The following DERA variants were observed in gnomAD, a reference collection of about 807,000 sequenced individuals.
DERA encodes 2-deoxy-D-ribose 5-phosphate aldolase.
DERA carries 15 observed loss-of-function variants against 41.1 expected under a neutral mutation model. The ratio of observed to expected loss-of-function variants is 0.37; its 90% CI spans 0.24 to 0.56. The LOEUF (loss-of-function observed/expected upper bound fraction) is 0.56. Among genes scored for constraint, DERA ranks in the 20% least tolerant of loss-of-function variants. The probability of loss-of-function intolerance (pLI) is 0.81; values close to 1 mark genes in which losing one functional copy is unlikely to be tolerated. For missense variants in DERA, 396 were observed against 403.4 expected, an observed-to-expected ratio of 0.98 and a Z score of 0.16; for synonymous variants, 139 against 137.4, an observed-to-expected ratio of 1.01 and a Z score of -0.08.
At chr12:15,969,909 G>A (rs887407731) in intron 5 of DERA, among the ~76,000 whole-genome samples, 22 of 151,910 alleles carry the variant, frequency 1.4e-4, no homozygotes, top group African/African-American at 5.1e-4. Context: ...TGTTTTGGAA[G>A]TTGTATATAA....
intron 6 of DERA, among the ~76,000 whole-genome samples, chr12:15,987,161 T>G (rs747167608): frequency 6.6e-6 from 1 of 151,992 alleles, no homozygotes; most frequent in Non-Finnish European, 1.5e-5. Context: ...TGAACTTTTC[T>G]GAGCTGCTTG....
Position 16,014,931 on chromosome 12 carries a change from A to G in DERA, c.638-17611A>G, listed in dbSNP as rs1477046971. On this transcript the variant is annotated intron_variant, in intron 6 of 8. Transcript: ENST00000428559. This position sits in a 1 kb window ranked among gnomAD's most constrained non-coding sequence, Gnocchi z 5.4. Reference sequence around the variant, plus strand: ...CAAAGGAGATCTTTTTGTAGCTTTAAGATTTGACTGCCCTCCTGGATTTCA... The same window carrying G: ...CAAAGGAGATCTTTTTGTAGCTTTAGGATTTGACTGCCCTCCTGGATTTCA... 6.6e-6 allele frequency among the ~76,000 whole-genome samples: 1 copy of G among 152,180 alleles called. No individual in the cohort carries two copies. Among genetic ancestry groups the G allele is most frequent in the African/African-American group, 2.4e-5 (1 of 41,444 alleles).
At chr12:15,991,559 G>T (rs549940834) in intron 6 of DERA, among the ~76,000 whole-genome samples, 1 of 152,230 alleles carries the variant, frequency 6.6e-6, no homozygotes, top group East Asian at 1.9e-4. Flanking sequence ...ATCAGCAGCT[G>T]TAATTATCCA....
rs1226297948 is a variant in DERA at position 16,014,257 on chromosome 12, A to G, written c.638-18285A>G. On this transcript the variant is annotated intron_variant, in intron 6 of 8. Transcript: ENST00000428559. This position sits in a 1 kb window ranked among gnomAD's most constrained non-coding sequence, Gnocchi z 5.4. The stretch of plus-strand genomic sequence containing the variant: ...GTTAATCACCAAGACAGTGGGGGAA[A>G]TGTCTCCAGGGCATGTCAGAGATCT... 6.6e-6 allele frequency among the ~76,000 whole-genome samples: 1 copy of G among 152,184 alleles called. No homozygotes were observed. Among genetic ancestry groups the G allele is most frequent in the Non-Finnish European group, 1.5e-5 (1 of 68,034 alleles).
rs1473083818 is a variant in DERA at position 15,990,951 on chromosome 12, A to G, written c.637+8515A>G. The stretch of plus-strand genomic sequence containing the variant: ...ATGTGTCTTTACAATAGAATGATTT[A>G]TATCCCTTTGGGTGTATACACAGTA... On this transcript the variant is annotated intron_variant, in intron 6 of 8. Transcript: ENST00000428559. This position sits in a 1 kb window ranked among gnomAD's most constrained non-coding sequence, Gnocchi z 4.3. 6.6e-6 allele frequency among the ~76,000 whole-genome samples: 1 copy of G among 152,152 alleles called. No homozygotes were observed. The highest frequency in any genetic ancestry group is 2.4e-5 in the African/African-American group (1 of 41,444).
chr12:15,975,991 GA>G (rs1317005081), intron 5 of DERA, among the ~76,000 whole-genome samples: 2 of 152,140 alleles, frequency 1.3e-5, no homozygotes, highest in South Asian at 4.1e-4. Context: ...CCTCTTGTCA[GA>G]CAGATCTAGT....
At chr12:16,025,013 T>C (rs1371756641) in intron 6 of DERA, among the ~76,000 whole-genome samples, 1 of 152,066 alleles carries the variant, frequency 6.6e-6, no homozygotes, top group African/African-American at 2.4e-5. Flanking sequence ...GAAGGTGGAC[T>C]TAGTTAAAAA....
chr12:16,016,815 A>AG (rs1459813630), intron 6 of DERA, among the ~76,000 whole-genome samples: 3 of 151,276 alleles, frequency 2.0e-5, no homozygotes, highest in Non-Finnish European at 4.4e-5. Context: ...AAAAAAAAAA[A>AG]AAAGAAAGAA....
Position 16,026,233 on chromosome 12 carries a change from T to A in DERA, c.638-6309T>A, listed in dbSNP as rs912701113. Among the ~76,000 whole-genome samples, 36 of 151,504 alleles carry A rather than the reference T, an allele frequency of 2.4e-4. No homozygotes were observed. Among genetic ancestry groups the A allele is most frequent in the African/African-American group, 6.3e-4 (26 of 41,276 alleles). On this transcript the variant is annotated intron_variant, in intron 6 of 8. Coordinates refer to ENST00000428559, the MANE Select transcript of DERA (RefSeq NM_015954.4). This position sits in a 1 kb window ranked among gnomAD's most constrained non-coding sequence, Gnocchi z 4.4. ...AAAACAACAGAGAAATTTTTTTTTT[T>A]AAATATCCTAAAAGCTACTTTTTTT...
chr12:15,917,965 A>C (rs1198877823), intron 1 of DERA, among the ~76,000 whole-genome samples: 1 of 152,176 alleles, frequency 6.6e-6, no homozygotes, highest in African/African-American at 2.4e-5. Flanking sequence ...CTGTATACAC[A>C]CACACTTCTA....
chr12:15,973,446 TG>T (rs1948677492), intron 5 of DERA, among the ~76,000 whole-genome samples: 1 of 33,408 alleles, frequency 3.0e-5, no homozygotes, highest in Non-Finnish European at 6.5e-5. Flanking sequence ...TGGCAAGAAT[TG>T]CTTTTTTTAT....
Position 15,941,775 on chromosome 12 carries a change from A to AT in DERA, c.32-15160dup, listed in dbSNP as rs1948410724. Among the ~76,000 whole-genome samples, 2 of 152,170 alleles carry AT rather than the reference A, an allele frequency of 1.3e-5. No individual in the cohort carries two copies. Among genetic ancestry groups the AT allele is most frequent in the East Asian group, 1.9e-4 (1 of 5,200 alleles). On this transcript the variant is annotated intron_variant, in intron 1 of 8. Coordinates refer to ENST00000428559, the MANE Select transcript of DERA (RefSeq NM_015954.4). The surrounding 1 kb of genome is among the most constrained non-coding windows in gnomAD (Gnocchi z 4.5). ...ATTTTCTTTATCCACTTATTGATTC[A>AT]TGGGCACTTAGGTTGATTCCGTATC...
rs59196401 is a variant in DERA, at chr12:16,027,042, C to A, written c.638-5500C>A. Among the ~76,000 whole-genome samples, 27 of 152,224 alleles carry A rather than the reference C, an allele frequency of 1.8e-4. No individual in the cohort carries two copies. In the East Asian group the frequency reaches 5.2e-3, roughly 29 times the overall value. ...TATCAGTAAGCCAAAGAAGAAAAATCATATGATTATATCAATTGATACTGA... is the reference window on the plus strand; with the variant it reads ...TATCAGTAAGCCAAAGAAGAAAAATAATATGATTATATCAATTGATACTGA... On this transcript the variant is annotated intron_variant, in intron 6 of 8. Coordinates refer to ENST00000428559, the MANE Select transcript of DERA (RefSeq NM_015954.4).
In DERA at chr12:15,994,742, C is replaced by T. The variant is rs549015250; in HGVS notation, c.637+12306C>T. The stretch of plus-strand genomic sequence containing the variant: ...TGCTGGGATTACAGGCGTGAGCCAC[C>T]GCGCCTGGCCAGAAAATTCTTAAAA... On this transcript the variant is annotated intron_variant, in intron 6 of 8. Transcript: ENST00000428559. This position sits in a 1 kb window ranked among gnomAD's most constrained non-coding sequence, Gnocchi z 4.8. Among the ~76,000 whole-genome samples, 4 of 152,262 alleles carry T rather than the reference C, an allele frequency of 2.6e-5. No individual in the cohort carries two copies. Among genetic ancestry groups the T allele is most frequent in the East Asian group, 1.9e-4 (1 of 5,188 alleles).
intron 6 of DERA, among the ~76,000 whole-genome samples, chr12:16,007,284 A>G (rs1230911838): frequency 6.6e-6 from 1 of 151,686 alleles, no homozygotes; most frequent in African/African-American, 2.4e-5. Context: ...CCGGGGTTCA[A>G]GTGATTCTTG....
At chr12:15,962,222 T>C (rs995010784) in intron 4 of DERA, among the ~76,000 whole-genome samples, 1 of 152,244 alleles carries the variant, frequency 6.6e-6, no homozygotes, top group African/African-American at 2.4e-5. Context: ...TGCCTCAATT[T>C]GGTGGACTAA....
chr12:16,019,445 A>G lies in DERA; in HGVS notation c.638-13097A>G, dbSNP rs749065966. ...CACATTACCTAAAGAACAGAGCCCA[A>G]TGTCTGTGGGTTCAAAGCTCTCTAT... is the stretch of plus-strand genomic sequence containing the variant. On this transcript the variant is annotated intron_variant, in intron 6 of 8. Transcript: ENST00000428559. The surrounding 1 kb of genome is among the most constrained non-coding windows in gnomAD (Gnocchi z 4.4). 5.3e-5 allele frequency among the ~76,000 whole-genome samples: 8 copies of G among 152,224 alleles called. No homozygotes were observed. Among genetic ancestry groups the G allele is most frequent in the Non-Finnish European group, 1.2e-4 (8 of 68,046 alleles).
rs1948302957 is a variant in DERA at position 15,928,402 on chromosome 12, A to G, written c.31+16988A>G. Among the ~76,000 whole-genome samples, 1 of 152,216 alleles carries G rather than the reference A, an allele frequency of 6.6e-6. No homozygotes were observed. The highest frequency in any genetic ancestry group is 2.1e-4 in the South Asian group (1 of 4,828). On this transcript the variant is annotated intron_variant, in intron 1 of 8. Coordinates refer to ENST00000428559, the MANE Select transcript of DERA (RefSeq NM_015954.4). This position sits in a 1 kb window ranked among gnomAD's most constrained non-coding sequence, Gnocchi z 4.6. Reference sequence around the variant, plus strand: ...ATTATTCCACTTACAGAGATTTTTGAACAAGAAACAGAAAGGATTACTTTA... The same window carrying G: ...ATTATTCCACTTACAGAGATTTTTGGACAAGAAACAGAAAGGATTACTTTA...
rs1948788878 is a variant in DERA at position 15,989,736 on chromosome 12, A to T, written c.637+7300A>T. On this transcript the variant is annotated intron_variant, in intron 6 of 8. Transcript: ENST00000428559. This position sits in a 1 kb window ranked among gnomAD's most constrained non-coding sequence, Gnocchi z 5.2. ...TAACAATTTATTTTATAATTTTTGT[A>T]GCCATTTAGATTATGGTCAAAAAGA... Among the ~76,000 whole-genome samples, 1 of 152,218 alleles carries T rather than the reference A, an allele frequency of 6.6e-6. No homozygotes were observed. Among genetic ancestry groups the T allele is most frequent in the South Asian group, 2.1e-4 (1 of 4,828 alleles).
Sources: allele counts gnomAD v4.1 joint callset (sites outside exome capture counted in the v4.1 genomes callset), GRCh38; gene constraint gnomAD v4.1.1; non-coding constraint Gnocchi (gnomAD v3.1); transcripts MANE v1.5; gene names NCBI Gene and HGNC (gene_info 2026-07-23, HGNC 2026-07-21).